Variants in WWC2 observed in about 807,000 individuals in gnomAD.
The protein encoded by WWC2 is protein WWC2.
Under a neutral mutation model 138.5 loss-of-function variants are expected in WWC2, and 101 were observed. The observed-to-expected ratio is 0.73, with a 90% CI of 0.62 to 0.86. The LOEUF (loss-of-function observed/expected upper bound fraction) is 0.86. WWC2 is among the 40% of genes least tolerant of loss of function. WWC2 has a pLI of 0.00. For missense variants in WWC2, 1,420 were observed against 1,419.4 expected (o/e 1.00, Z -0.01); for synonymous variants, 558 against 538.4 (o/e 1.04, Z -0.50).
chr4:183,271,849 C>CA (rs952755118), intron 16 of WWC2, among the ~76,000 whole-genome samples: 13 of 151,924 alleles, frequency 8.6e-5, no homozygotes, highest in Admixed American at 2.6e-4. Context: ...ACAAAAATAA[C>CA]AAAAAAATTA....
At position 183,284,500 on chromosome 4, in the gene WWC2, C is replaced by T. The variant is rs1000270349; in HGVS notation, c.3048+110C>T. On this transcript the variant is annotated intron_variant, in intron 19 of 22. Coordinates refer to ENST00000403733, the MANE Select transcript of WWC2 (RefSeq NM_024949.6). Reference sequence around the variant, plus strand: ...TGTGCACTGGGAGTCCACATGACAACGACAAATGCTAGAAATGCTGTAAAA... The same window carrying T: ...TGTGCACTGGGAGTCCACATGACAATGACAAATGCTAGAAATGCTGTAAAA... 7 of 1,219,158 alleles carry T rather than the reference C, an allele frequency of 5.7e-6. No homozygotes were observed. In the African/African-American group the frequency reaches 7.5e-5, roughly 13 times the overall value. The allele number at this position is 1,219,158 out of a possible 1,614,324, so 75.5% of individuals were successfully genotyped here. A position where few individuals can be genotyped will look rare whatever the true frequency, so the allele number is the denominator to read the frequency against.
chr4:183,314,538 C>T (rs930197550), intron 22 of WWC2, among the ~76,000 whole-genome samples: 1 of 152,198 alleles, frequency 6.6e-6, no homozygotes, highest in African/African-American at 2.4e-5. Flanking sequence ...GCGGTGGGGC[C>T]TGGGCCGTTC....
intron 21 of WWC2, among the ~76,000 whole-genome samples, chr4:183,302,247 G>A (rs1320312576): frequency 6.6e-6 from 1 of 152,130 alleles, no homozygotes; most frequent in African/African-American, 2.4e-5. Flanking sequence ...TGTCTTTGTC[G>A]AGCCTTTTAA....
At chr4:183,149,864 CAAT>C (rs1733590430) in intron 1 of WWC2, among the ~76,000 whole-genome samples, 1 of 152,138 alleles carries the variant, frequency 6.6e-6, no homozygotes, top group Non-Finnish European at 1.5e-5. Context: ...GGTTGCAAAA[CAAT>C]GATCTCATTC....
At chr4:183,222,870 G>A (rs972420156) in intron 4 of WWC2, among the ~76,000 whole-genome samples, 5 of 152,180 alleles carry the variant, frequency 3.3e-5, no homozygotes, top group African/African-American at 1.2e-4. Context: ...GGAAGCTGAG[G>A]CACGAGAATC....
intron 1 of WWC2, among the ~76,000 whole-genome samples, chr4:183,105,918 T>C (rs1257615744): frequency 6.6e-6 from 1 of 151,780 alleles, no homozygotes; most frequent in Non-Finnish European, 1.5e-5. Flanking sequence ...ATTTTGGACT[T>C]CTTTATGCAT....
At chr4:183,312,521 G>T in intron 22 of WWC2, 53 bp downstream of exon 22, 1 of 1,607,280 alleles carries the variant, frequency 6.2e-7, no homozygotes, top group Non-Finnish European at 8.5e-7. Context: ...GGGTCTGATT[G>T]TGTAGGAATT....
chr4:183,253,251 C>G (rs1267666809), intron 8 of WWC2, among the ~76,000 whole-genome samples: 1 of 152,148 alleles, frequency 6.6e-6, no homozygotes, highest in Non-Finnish European at 1.5e-5. Context: ...TTACTAATGC[C>G]CTAGTCTCTG....
intron 1 of WWC2, among the ~76,000 whole-genome samples, chr4:183,154,864 A>C (rs1399185072): frequency 6.6e-6 from 1 of 152,166 alleles, no homozygotes; most frequent in Non-Finnish European, 1.5e-5. Context: ...TCTACTGCCT[A>C]ACCTGGACTC....
At chr4:183,203,068 A>G (rs1209945485) in intron 2 of WWC2, among the ~76,000 whole-genome samples, 1 of 152,186 alleles carries the variant, frequency 6.6e-6, no homozygotes. Flanking sequence ...GAACCCAGTT[A>G]GACTGAATAC....
chr4:183,250,715 C>T (rs964866946), intron 8 of WWC2, among the ~76,000 whole-genome samples: 3 of 152,112 alleles, frequency 2.0e-5, no homozygotes, highest in Admixed American at 6.5e-5. Context: ...CATTTGATTT[C>T]ATTATTTTCC....
chr4:183,186,052 A>G (rs536237191), intron 1 of WWC2, among the ~76,000 whole-genome samples: 1 of 147,814 alleles, frequency 6.8e-6, no homozygotes, highest in African/African-American at 2.5e-5. Context: ...GGTTCACGCC[A>G]TTCTCCCACC....
chr4:183,288,754 G>A (rs1738334879), intron 20 of WWC2, among the ~76,000 whole-genome samples: 2 of 152,188 alleles, frequency 1.3e-5, no homozygotes, highest in Non-Finnish European at 2.9e-5. Context: ...TGATTCAGTG[G>A]TGAAAGTAAG....
At chr4:183,271,023 A>T (rs930736221) in intron 15 of WWC2, 57 bp from the exon 16 acceptor site, 4 of 1,397,666 alleles carry the variant, frequency 2.9e-6, no homozygotes, top group Non-Finnish European at 3.8e-6. Flanking sequence ...ATACTAATTT[A>T]AACATTTTAT....
rs776811760 is a variant in WWC2 at position 183,312,425 on chromosome 4, C to G, written c.3469C>G (p.Arg1157Gly). 6.8e-6 allele frequency: 11 copies of G among 1,613,770 alleles called. No homozygotes were observed. The Admixed American group carries it at 1.8e-4, about 27-fold the overall frequency. The change falls in exon 22 of 23, where the codon CGG becomes GGG. Residue 1157 changes from arginine (R) to glycine (G), a missense_variant. Coordinates refer to ENST00000403733, the MANE Select transcript of WWC2 (RefSeq NM_024949.6). ...AGTCTCCAAGGACGTGTGTCGGCTCCGGGAGCAGAGCCAGAAGGTGCCTCG... is the reference window on the plus strand; with the variant it reads ...AGTCTCCAAGGACGTGTGTCGGCTCGGGGAGCAGAGCCAGAAGGTGCCTCG... Reference protein sequence around the residue: ...RQVSKDVCRLREQSQKVPRQV... With the variant: ...RQVSKDVCRLGEQSQKVPRQV...
intron 1 of WWC2, among the ~76,000 whole-genome samples, chr4:183,143,309 G>A (rs1458239479): frequency 1.3e-5 from 2 of 152,058 alleles, no homozygotes. Flanking sequence ...CTCTTGATTT[G>A]CATTCCAGTC....
Position 183,254,010 on chromosome 4 carries a change from C to T in WWC2, c.1196+11C>T. On this transcript the variant is annotated intron_variant, in intron 9 of 22. Transcript: ENST00000403733. Reference sequence around the variant, plus strand: ...AGCTCTGGCCGAGAGGTTTGTTTTCCTTCTGGAAATAGGGCAGCTTAACTC... The same window carrying T: ...AGCTCTGGCCGAGAGGTTTGTTTTCTTTCTGGAAATAGGGCAGCTTAACTC... 1 of 1,609,960 alleles carries T rather than the reference C, an allele frequency of 6.2e-7. No homozygotes were observed. Among genetic ancestry groups the T allele is most frequent in the Non-Finnish European group, 8.5e-7 (1 of 1,178,256 alleles).
intron 1 of WWC2, among the ~76,000 whole-genome samples, chr4:183,183,567 A>T (rs981565409): frequency 6.6e-6 from 1 of 152,176 alleles, no homozygotes; most frequent in African/African-American, 2.4e-5. Flanking sequence ...GGATCACTTG[A>T]GCTCAGGAGT....
chr4:183,292,422 G>A (rs955062384), intron 21 of WWC2, among the ~76,000 whole-genome samples: 1 of 151,982 alleles, frequency 6.6e-6, no homozygotes, highest in African/African-American at 2.4e-5. Flanking sequence ...TGAGGCAAGA[G>A]GATCACCAGA....
Sources: gnomAD v4.1 joint callset for allele counts (sites outside exome capture counted in the v4.1 genomes callset) on GRCh38, gnomAD v4.1.1 for gene constraint, MANE v1.5 for transcripts, NCBI Gene and HGNC (gene_info 2026-07-23, HGNC 2026-07-21) for gene names.